PCDHA3: variants seen among roughly 807,000 people sequenced by gnomAD.
The protein encoded by PCDHA3 is protocadherin alpha-3.
PCDHA3 carries 41 observed loss-of-function variants against 62.2 expected under a neutral mutation model. That is an observed-to-expected ratio of 0.66 (90% CI 0.51 to 0.86). The LOEUF (loss-of-function observed/expected upper bound fraction) is 0.86. Ranked by LOEUF, PCDHA3 falls within the 40% of genes least tolerant of loss-of-function variation. The pLI is 0.00. For missense variants in PCDHA3, 1,304 were observed against 1,241.2 expected (o/e 1.05, Z -0.76); for synonymous variants, 640 against 555.4 (o/e 1.15, Z -2.14).
At chr5:140,807,336 A>C (rs1554123887) in intron 1 of PCDHA3, 1 of 1,613,462 alleles carries the variant, frequency 6.2e-7, no homozygotes, top group Non-Finnish European at 8.5e-7. Flanking sequence ...CGCATCGCGC[A>C]GGACCTGGGA....
intron 1 of PCDHA3, chr5:140,836,474 C>A: frequency 6.2e-7 from 1 of 1,613,830 alleles, no homozygotes; most frequent in Non-Finnish European, 8.5e-7. Context: ...TGGATGTCAA[C>A]GTGTACCTGA....
At chr5:140,833,341 A>G (rs1049850586) in intron 1 of PCDHA3, among the ~76,000 whole-genome samples, 8 of 152,226 alleles carry the variant, frequency 5.3e-5, no homozygotes, top group African/African-American at 1.9e-4. Context: ...GGAGTGAAAC[A>G]TTCCAGAAAA....
intron 1 of PCDHA3, chr5:140,883,616 G>C: frequency 6.2e-7 from 1 of 1,614,014 alleles, no homozygotes; most frequent in Non-Finnish European, 8.5e-7. Flanking sequence ...CGACGTGAAC[G>C]ACAACGCGCC....
Position 140,823,261 on chromosome 5 carries a change from C to T in PCDHA3, c.2394+19670C>T, listed in dbSNP as rs2150124032. ...CCTGGTGTCCTACTCGCTGGTGGAG[C>T]GGCGGGTGGGCGAGCGCCCGCTGTC... On this transcript the variant is annotated intron_variant, in intron 1 of 3. Transcript: ENST00000522353. The T allele has an allele frequency of 3.7e-6, 6 of 1,612,910 alleles. No homozygotes were observed. In the East Asian group the frequency reaches 1.1e-4, roughly 30 times the overall value.
chr5:140,972,957 C>T (rs369707081), intron 1 of PCDHA3, among the ~76,000 whole-genome samples: 1 of 152,054 alleles, frequency 6.6e-6, no homozygotes, highest in East Asian at 1.9e-4. Context: ...CCACCATGCC[C>T]GGCAAAGGAA....
chr5:140,845,304 G>T (rs180945662), intron 1 of PCDHA3, among the ~76,000 whole-genome samples: 1 of 149,326 alleles, frequency 6.7e-6, no homozygotes, highest in African/African-American at 2.4e-5. Context: ...ATGTCTACCT[G>T]GTTCTCAGGT....
intron 1 of PCDHA3, among the ~76,000 whole-genome samples, chr5:140,952,639 G>C (rs2094775564): frequency 6.6e-6 from 1 of 152,102 alleles, no homozygotes; most frequent in Non-Finnish European, 1.5e-5. Flanking sequence ...ATTCCAACCT[G>C]TGCCTGGTTA....
intron 1 of PCDHA3, chr5:140,857,582 G>T: frequency 6.3e-7 from 1 of 1,596,726 alleles, no homozygotes; most frequent in Non-Finnish European, 8.6e-7. Flanking sequence ...GGTGCACGCG[G>T]AGAGCGGCAA....
chr5:140,948,464 G>A (rs1357759863), intron 1 of PCDHA3, among the ~76,000 whole-genome samples: 1 of 151,508 alleles, frequency 6.6e-6, no homozygotes, highest in Non-Finnish European at 1.5e-5. Flanking sequence ...TTTAGGGAAA[G>A]TTTCTGATAA....
intron 1 of PCDHA3, among the ~76,000 whole-genome samples, chr5:140,950,918 G>C (rs1229704497): frequency 6.6e-6 from 1 of 151,584 alleles, no homozygotes; most frequent in African/African-American, 2.4e-5. Context: ...TTTTATTTCA[G>C]TTCTTTTTCT....
At chr5:140,817,805 GT>G (rs1213534688) in intron 1 of PCDHA3, among the ~76,000 whole-genome samples, 1 of 152,064 alleles carries the variant, frequency 6.6e-6, no homozygotes, top group Non-Finnish European at 1.5e-5. Context: ...AAACCTTTAC[GT>G]TTTTATATAT....
intron 1 of PCDHA3, chr5:140,877,503 G>A (rs1056644080): frequency 3.6e-5 from 58 of 1,613,716 alleles, no homozygotes; most frequent in Non-Finnish European, 4.8e-5. Context: ...AGGCCCCAAA[G>A]ACGTCGTCGC....
chr5:140,801,404 A>G lies in PCDHA3; in HGVS notation c.207A>G (p.Lys69=), dbSNP rs1762700744. 6.2e-7 allele frequency: 1 copy of G among 1,613,598 alleles called. No homozygotes were observed. Among genetic ancestry groups the G allele is most frequent in the African/African-American group, 1.3e-5 (1 of 74,914 alleles). Residue 69 remains lysine, a synonymous_variant, in exon 1 of 4, where the codon AAA becomes AAG. Transcript: ENST00000522353. ...CGCGCCTGTTCCGGGTGGCGTCCAAAAGACACGGGGACCTTCTGGAGGTAA... is the reference window on the plus strand; with the variant it reads ...CGCGCCTGTTCCGGGTGGCGTCCAAGAGACACGGGGACCTTCTGGAGGTAA... ...LVPRLFRVAS[K]RHGDLLEVNL...
At position 140,801,305 on chromosome 5, in the gene PCDHA3, T is replaced by G. The variant is rs1249358630; in HGVS notation, c.108T>G (p.Ser36=). The G allele has an allele frequency of 2.5e-6, 4 of 1,613,332 alleles. No homozygotes were observed. Among genetic ancestry groups the G allele is most frequent in the Non-Finnish European group, 2.5e-6 (3 of 1,179,928 alleles). The stretch of plus-strand genomic sequence containing the variant: ...GCGGCCAGCTCCACTACTCCGTCTC[T>G]GAGGAGGCCAAGCATGGCACCTTCG... ...VGSGQLHYSV[S]EEAKHGTFVG... Residue 36 remains serine (S), a synonymous_variant, in exon 1 of 4, where the codon TCT becomes TCG. Coordinates refer to ENST00000522353, the MANE Select transcript of PCDHA3 (RefSeq NM_018906.3).
intron 1 of PCDHA3, among the ~76,000 whole-genome samples, chr5:140,906,171 C>T (rs2072420841): frequency 6.6e-6 from 1 of 152,178 alleles, no homozygotes; most frequent in Non-Finnish European, 1.5e-5. Flanking sequence ...AGGAACAATA[C>T]TTTGCATCCT....
At chr5:140,850,526 G>A (rs2150487958) in intron 1 of PCDHA3, 8 of 1,598,220 alleles carry the variant, frequency 5.0e-6, no homozygotes, top group Admixed American at 1.7e-5. Context: ...AGGCGCCAAA[G>A]TCATCGTCGC....
chr5:140,801,374 G>T lies in PCDHA3; in HGVS notation c.177G>T (p.Leu59=), dbSNP rs782776492. The T allele has an allele frequency of 4.3e-6, 7 of 1,613,550 alleles. No individual in the cohort carries two copies. In the Middle Eastern group the frequency reaches 7.1e-4, roughly 164 times the overall value. Residue 59 remains leucine (L), a synonymous_variant, in exon 1 of 4, where the codon CTG becomes CTT. Transcript: ENST00000522353. ...AQDLGLELAE[L]VPRLFRVASK... is the part of the protein sequence containing the mutation. Reference sequence around the variant, plus strand: ...ACCTGGGGCTGGAGCTGGCGGAGCTGGTGCCGCGCCTGTTCCGGGTGGCGT... The same window carrying T: ...ACCTGGGGCTGGAGCTGGCGGAGCTTGTGCCGCGCCTGTTCCGGGTGGCGT...
chr5:140,884,506 G>T (rs10076265), intron 1 of PCDHA3: 2 of 1,614,054 alleles, frequency 1.2e-6, no homozygotes, highest in Admixed American at 3.3e-5. Flanking sequence ...GCGCGGCAGG[G>T]AGTTGGTCGT....
At chr5:140,942,663 A>G (rs2153659608) in intron 1 of PCDHA3, among the ~76,000 whole-genome samples, 1 of 152,294 alleles carries the variant, frequency 6.6e-6, no homozygotes, top group African/African-American at 2.4e-5. Context: ...AAAAGCAATA[A>G]GCACAAAAGT....
Sources: allele counts gnomAD v4.1 joint callset (sites outside exome capture counted in the v4.1 genomes callset), GRCh38; gene constraint gnomAD v4.1.1; transcripts MANE v1.5; gene names NCBI Gene and HGNC (gene_info 2026-07-23, HGNC 2026-07-21).